EXOC7: variants seen among roughly 807,000 people sequenced by gnomAD.
EXOC7 encodes the protein exocyst complex component 7.
EXOC7 carries 51 observed loss-of-function variants against 87.6 expected under a neutral mutation model. The observed-to-expected ratio is 0.58, with a 90% CI of 0.46 to 0.73. The LOEUF (loss-of-function observed/expected upper bound fraction) is 0.73, where lower values mean the gene tolerates loss of function less well. Among genes scored for constraint, EXOC7 ranks in the 30% least tolerant of loss-of-function variants. The probability of loss-of-function intolerance (pLI) is 0.00; values close to 1 mark genes in which losing one functional copy is unlikely to be tolerated. For synonymous variants in EXOC7, 327 were observed against 357.1 expected (o/e 0.92, Z 0.95); for missense variants, 744 against 888.4 (o/e 0.84, Z 2.07).
rs757368433 is a variant in EXOC7 at position 76,084,294 on chromosome 17, G to C, written c.1777-5C>G. 1.2e-6 allele frequency: 2 copies of C among 1,613,490 alleles called. No individual in the cohort carries two copies. The highest frequency in any genetic ancestry group is 2.2e-5 in the East Asian group (1 of 44,880). On this transcript the variant is annotated splice_region_variant and splice_polypyrimidine_tract_variant and intron_variant, in intron 16 of 18. Transcript: ENST00000589210. ...CTGCCGCTCCTTGTCCCGGAGCTGGGAAGCCAGGAGAGATAGCAGAGAAAG... is the reference window on the plus strand; with the variant it reads ...CTGCCGCTCCTTGTCCCGGAGCTGGCAAGCCAGGAGAGATAGCAGAGAAAG...
intron 2 of EXOC7, 60 bp downstream of exon 2, chr17:76,103,301 G>C: frequency 2.0e-6 from 3 of 1,499,934 alleles, no homozygotes; most frequent in Admixed American, 2.0e-5. Context: ...CCGCCAGGTC[G>C]CAAGGCTCTC....
rs2067037562 is a variant in EXOC7 at position 76,082,755 on chromosome 17, C to T, written c.*893G>A. ...CTGGATTAAGCCACCCTGAGCTCTC[C>T]CTCCGCTAGCACACAAGCACAGAGC... On this transcript the variant is annotated 3_prime_UTR_variant, in exon 19 of 19. Transcript: ENST00000589210. 1 of 1,137,568 alleles carries T rather than the reference C, an allele frequency of 8.8e-7. No homozygotes were observed. Among genetic ancestry groups the T allele is most frequent in the Admixed American group, 2.8e-5 (1 of 35,434 alleles). The allele number at this position is 1,137,568 out of a possible 1,614,324, so 70.5% of individuals were successfully genotyped here.
chr17:76,090,182 AAGAG>A lies in EXOC7; in HGVS notation c.902-866_902-863del, dbSNP rs1230159998. The stretch of plus-strand genomic sequence containing the variant: ...GAGAGGCAAGGAGACCTAGGCCCAA[AAGAG>A]AGAGAGTGGAGAGAGAGGCGCATAG... On this transcript the variant is annotated intron_variant, in intron 7 of 18. Transcript: ENST00000589210. 8 of 920,406 alleles carry A rather than the reference AAGAG, an allele frequency of 8.7e-6. No individual in the cohort carries two copies. In the East Asian group the frequency reaches 1.9e-4, roughly 22 times the overall value. 57.0% of individuals were successfully genotyped at this position (920,406 alleles called of 1,614,324 possible). A position where few individuals can be genotyped will look rare whatever the true frequency, so the allele number is the denominator to read the frequency against.
At chr17:76,085,084 C>G in intron 15 of EXOC7, 1 of 565,956 alleles carries the variant, frequency 1.8e-6, no homozygotes, top group South Asian at 2.2e-5. Context: ...AGCCTTGACA[C>G]TTGGCAGACT....
At chr17:76,083,916 C>T (rs1325122464) in intron 18 of EXOC7, 90 bp downstream of exon 18, 2 of 1,487,552 alleles carry the variant, frequency 1.3e-6, no homozygotes, top group Non-Finnish European at 1.8e-6. Flanking sequence ...AATCCACCAC[C>T]CTTCTCCTTT....
At chr17:76,090,836 C>T (rs572807748) in intron 7 of EXOC7, 5 of 522,450 alleles carry the variant, frequency 9.6e-6, no homozygotes, top group African/African-American at 7.6e-5. Context: ...CTGGTCTGAG[C>T]GTGAAAGGGC....
At chr17:76,103,250 G>T in intron 2 of EXOC7, 111 bp downstream of exon 2, 1 of 956,992 alleles carries the variant, frequency 1.0e-6, no homozygotes, top group Non-Finnish European at 1.6e-6. Flanking sequence ...CACTGCCTCC[G>T]TCGCTGCCCA....
chr17:76,103,005 T>C, intron 2 of EXOC7: 1 of 222,532 alleles, frequency 4.5e-6, no homozygotes, highest in Non-Finnish European at 9.1e-6. Context: ...CTCAGGAATC[T>C]CAAAGTGCCA....
At chr17:76,098,616 C>T (rs1236160712) in intron 4 of EXOC7, among the ~76,000 whole-genome samples, 2 of 151,584 alleles carry the variant, frequency 1.3e-5, no homozygotes, top group Non-Finnish European at 2.9e-5. Flanking sequence ...AATCCCAGCA[C>T]TTTGGGAGGC....
chr17:76,087,258 C>T (rs758203585), intron 12 of EXOC7: 9 of 369,150 alleles, frequency 2.4e-5, no homozygotes, highest in African/African-American at 6.2e-5. Context: ...AGCAGGAAGA[C>T]GCCCAGCGGG....
rs1172638499 is a variant in EXOC7 at position 76,090,338 on chromosome 17, G to A, written c.901+805C>T. On this transcript the variant is annotated intron_variant, in intron 7 of 18. Transcript: ENST00000589210. ...GGGCTGCGGTACTCACCGGCCAGCG[G>A]CCCGTGCTTGTCGTTCAAGGCCTCG... 3.9e-6 allele frequency: 6 copies of A among 1,551,404 alleles called. No individual in the cohort carries two copies. In the Admixed American group the frequency reaches 7.8e-5, roughly 20 times the overall value.
chr17:76,092,068 A>C (rs2067509361), intron 6 of EXOC7, among the ~76,000 whole-genome samples: 1 of 152,160 alleles, frequency 6.6e-6, no homozygotes, highest in Non-Finnish European at 1.5e-5. Context: ...ACGTCGGGAA[A>C]TCAACTCGCA....
rs1196290454 is a variant in EXOC7, at chr17:76,094,478, G to T, written c.744C>A (p.Pro248=). Reference sequence around the variant, plus strand: ...TCTTGTTGGGGATAGCAGGGGAGTAGGGAACCCCAGAGGAAGAACTGCTCT... The same window carrying T: ...TCTTGTTGGGGATAGCAGGGGAGTATGGAACCCCAGAGGAAGAACTGCTCT... ...FHKSSSSSGV[P]YSPAIPNKRK... The change falls in exon 6 of 19, where the codon CCC becomes CCA. Residue 248 remains proline, a synonymous_variant. Transcript: ENST00000589210. The T allele has an allele frequency of 6.2e-7, 1 of 1,614,134 alleles. No individual in the cohort carries two copies. The highest frequency in any genetic ancestry group is 1.1e-5 in the South Asian group (1 of 91,084).
At chr17:76,086,643 T>A (rs1598300524) in intron 12 of EXOC7, among the ~76,000 whole-genome samples, 1 of 151,256 alleles carries the variant, frequency 6.6e-6, no homozygotes, top group African/African-American at 2.4e-5. Flanking sequence ...GCCTAGGGGG[T>A]GTATCCAGGG....
rs368279154 is a variant in EXOC7, at chr17:76,089,145, G to A, written c.1047+30C>T. The A allele has an allele frequency of 6.8e-6, 11 of 1,610,580 alleles. No individual in the cohort carries two copies. In the African/African-American group the frequency reaches 1.2e-4, roughly 18 times the overall value. ...TGTTGTGACAGCTCTTGCTGGGGCTGGCTGCAGAGCCCCCGGGGCGGGGCG... is the reference window on the plus strand; with the variant it reads ...TGTTGTGACAGCTCTTGCTGGGGCTAGCTGCAGAGCCCCCGGGGCGGGGCG... On this transcript the variant is annotated intron_variant, in intron 8 of 18. Transcript: ENST00000589210.
Position 76,094,461 on chromosome 17 carries a change from G to T in EXOC7, c.761C>A (p.Pro254His), listed in dbSNP as rs779009931. 1.2e-6 allele frequency: 2 copies of T among 1,613,970 alleles called. No individual in the cohort carries two copies. Among genetic ancestry groups the T allele is most frequent in the African/African-American group, 2.7e-5 (2 of 74,944 alleles). ...SSGVPYSPAI[P>H]NKRKDTPTKK... ...GGTAGGTGTGTCTTTCCTCTTGTTG[G>T]GGATAGCAGGGGAGTAGGGAACCCC... Residue 254 changes from proline (P) to histidine (H), a missense_variant, in exon 6 of 19, where the codon CCC (proline) becomes CAC (histidine). Around this residue, in one of 3 missense-constraint regions of EXOC7, gnomAD observed 512 missense variants for 573.0 expected, o/e 0.89. Transcript: ENST00000589210.
chr17:76,099,197 G>A (rs755969084), intron 4 of EXOC7, among the ~76,000 whole-genome samples: 1 of 152,116 alleles, frequency 6.6e-6, no homozygotes, highest in African/African-American at 2.4e-5. Context: ...TCCATCAAAG[G>A]ATAAATGGCT....
chr17:76,101,415 G>A (rs765797203), intron 3 of EXOC7, 39 bp from the exon 4 acceptor site: 1 of 1,610,654 alleles, frequency 6.2e-7, no homozygotes, highest in East Asian at 2.2e-5. Context: ...GGGGCATGGG[G>A]GATGAAGAAG....
chr17:76,101,268 T>A lies in EXOC7; in HGVS notation c.417+3A>T. 1 of 1,609,196 alleles carries A rather than the reference T, an allele frequency of 6.2e-7. No individual in the cohort carries two copies. The highest frequency in any genetic ancestry group is 8.5e-7 in the Non-Finnish European group (1 of 1,177,748). On this transcript the variant is annotated splice_donor_region_variant and intron_variant, in intron 4 of 18. Coordinates refer to ENST00000589210, the MANE Select transcript of EXOC7 (RefSeq NM_001013839.4). ...TTCTCACGTTATTCTGCGGACCCCTTACCACTTTGTTGAGTTCCGGGCTGT... is the reference window on the plus strand; with the variant it reads ...TTCTCACGTTATTCTGCGGACCCCTAACCACTTTGTTGAGTTCCGGGCTGT...
Sources: allele counts gnomAD v4.1 joint callset (sites outside exome capture counted in the v4.1 genomes callset), GRCh38; gene constraint gnomAD v4.1.1; regional missense constraint gnomAD v4.1.1; transcripts MANE v1.5; gene names NCBI Gene and HGNC (gene_info 2026-07-23, HGNC 2026-07-21).